Variants in NIPSNAP3A observed in about 807,000 individuals in gnomAD.
NIPSNAP3A encodes the protein nipsnap homolog 3A, also known as protein NipSnap homolog 3A.
In NIPSNAP3A, 27 loss-of-function variants were observed where a neutral mutation model predicts 32.3. The ratio of observed to expected loss-of-function variants is 0.84; its 90% CI spans 0.62 to 1.15. The LOEUF (loss-of-function observed/expected upper bound fraction) is 1.15. Among genes scored for constraint, NIPSNAP3A ranks in the 50% most tolerant of loss-of-function variants. NIPSNAP3A has a pLI of 0.00. For missense variants in NIPSNAP3A, 278 were observed against 297.2 expected, an observed-to-expected ratio of 0.94 and a Z score of 0.48; for synonymous variants, 108 against 107.3, an observed-to-expected ratio of 1.01 and a Z score of -0.04.
intron 1 of NIPSNAP3A, 25 bp from the exon 2 acceptor site, chr9:104,750,931 T>C (rs756104894): frequency 6.5e-7 from 1 of 1,545,710 alleles, no homozygotes; most frequent in Non-Finnish European, 8.9e-7. Flanking sequence ...TCTCAAGATA[T>C]TTACATTTGT....
chr9:104,756,338 G>A (rs1827905958), intron 4 of NIPSNAP3A, among the ~76,000 whole-genome samples: 1 of 151,128 alleles, frequency 6.6e-6, no homozygotes, highest in Non-Finnish European at 1.5e-5. Flanking sequence ...AAGAAACTAT[G>A]AAGAAAAAAA....
In NIPSNAP3A at chr9:104,750,146, G is replaced by A. The variant is rs544360073; in HGVS notation, c.61-810G>A. Among the ~76,000 whole-genome samples, 30 of 152,116 alleles carry A rather than the reference G, an allele frequency of 2.0e-4. 1 individual carries two copies. Among genetic ancestry groups the A allele is most frequent in the South Asian group, 1.7e-3 (8 of 4,824 alleles). On this transcript the variant is annotated intron_variant, in intron 1 of 5. Transcript: ENST00000374767. ...TTTCATTATGCCTGCCAAAAGTTACGTGCGTAGTTAATAAAGTTCTTTGAT... is the reference window on the plus strand; with the variant it reads ...TTTCATTATGCCTGCCAAAAGTTACATGCGTAGTTAATAAAGTTCTTTGAT...
intron 1 of NIPSNAP3A, among the ~76,000 whole-genome samples, chr9:104,748,890 G>A (rs1352698530): frequency 6.6e-6 from 1 of 152,178 alleles, no homozygotes; most frequent in Non-Finnish European, 1.5e-5. Flanking sequence ...TTGGAGATAA[G>A]GGAGGATGGA....
chr9:104,755,641 G>A (rs1270044333), intron 4 of NIPSNAP3A, among the ~76,000 whole-genome samples: 2 of 152,138 alleles, frequency 1.3e-5, no homozygotes, highest in Non-Finnish European at 2.9e-5. Context: ...GGATAAAAGA[G>A]CTGATGAGGT....
At chr9:104,753,403 C>T (rs867243040) in intron 3 of NIPSNAP3A, among the ~76,000 whole-genome samples, 47 of 152,194 alleles carry the variant, frequency 3.1e-4, no homozygotes, top group African/African-American at 9.9e-4. Context: ...GAAGTTTTGC[C>T]ATAATTTTAA....
At chr9:104,755,008 AG>A (rs1034295031) in intron 4 of NIPSNAP3A, among the ~76,000 whole-genome samples, 4 of 152,164 alleles carry the variant, frequency 2.6e-5, no homozygotes. Context: ...TTGGAGGCTG[AG>A]GGGGTGGATC....
intron 2 of NIPSNAP3A, among the ~76,000 whole-genome samples, chr9:104,752,361 G>A (rs918932995): frequency 3.9e-5 from 6 of 152,118 alleles, no homozygotes; most frequent in African/African-American, 1.4e-4. Context: ...TTTGATTCAA[G>A]ATGTTTTAAC....
chr9:104,747,993 G>A (rs1827797440), intron 1 of NIPSNAP3A, 141 bp downstream of exon 1: 2 of 780,704 alleles, frequency 2.6e-6, no homozygotes, highest in African/African-American at 3.5e-5. Context: ...AGGTTCTAGC[G>A]TGAGCCCCGG....
At chr9:104,753,369 G>A (rs56953501) in intron 3 of NIPSNAP3A, among the ~76,000 whole-genome samples, 1,807 of 152,302 alleles carry the variant, frequency 0.012, 33 homozygotes, top group African/African-American at 0.042. Context: ...CAGAGAACGT[G>A]TTGATAGGTA....
At chr9:104,758,960 A>C in intron 4 of NIPSNAP3A, 125 bp from the exon 5 acceptor site, 1 of 1,080,280 alleles carries the variant, frequency 9.3e-7, no homozygotes, top group Non-Finnish European at 1.3e-6. Flanking sequence ...ACAAGAGTGA[A>C]ACTCTTGTTT....
intron 4 of NIPSNAP3A, 103 bp downstream of exon 4, chr9:104,754,803 T>C (rs891340938): frequency 1.2e-6 from 1 of 846,080 alleles, no homozygotes; most frequent in African/African-American, 1.7e-5. Flanking sequence ...TTATTATTTA[T>C]TGCCAAATGT....
chr9:104,756,814 CTTTTT>C (rs34247948), intron 4 of NIPSNAP3A, among the ~76,000 whole-genome samples: 2 of 114,320 alleles, frequency 1.7e-5, no homozygotes, highest in African/African-American at 6.6e-5. Flanking sequence ...TGTTAATATT[CTTTTT>C]TTTTTTTTTT....
intron 1 of NIPSNAP3A, among the ~76,000 whole-genome samples, chr9:104,748,129 C>A (rs1300206791): frequency 6.6e-6 from 1 of 152,094 alleles, no homozygotes; most frequent in Non-Finnish European, 1.5e-5. Context: ...ATGCCACACC[C>A]ACCGGGACAC....
At position 104,759,587 on chromosome 9, in the gene NIPSNAP3A, T is replaced by A. The variant is rs1827949398; in HGVS notation, c.*249T>A. The A allele has an allele frequency of 2.1e-6, 1 of 476,122 alleles. No homozygotes were observed. The allele number at this position is 476,122 out of a possible 1,614,324, so 29.5% of individuals were successfully genotyped here. ...AAATACTTGTCACTGTTTTAAGATC[T>A]TGACTCTTCATTTGTTTCAGAATAG... On this transcript the variant is annotated 3_prime_UTR_variant, in exon 6 of 6. Coordinates refer to ENST00000374767, the MANE Select transcript of NIPSNAP3A (RefSeq NM_015469.3).
chr9:104,756,762 C>T (rs1178394746), intron 4 of NIPSNAP3A, among the ~76,000 whole-genome samples: 1 of 149,952 alleles, frequency 6.7e-6, no homozygotes, highest in African/African-American at 2.5e-5. Flanking sequence ...ATATAACATA[C>T]ATAGTAGTCA....
Position 104,759,328 on chromosome 9 carries a change from C to G in NIPSNAP3A, c.734C>G (p.Pro245Arg). ...NMLLIPTSFSPLK is the reference protein window; with the variant it reads ...NMLLIPTSFSRLK ...CTTCTGATTCCTACATCGTTTTCAC[C>G]ACTGAAATAGTTTTCTACTGAAATA... The change falls in exon 6 of 6, where the codon CCA (proline) becomes CGA (arginine). Residue 245 changes from proline (P) to arginine (R), a missense_variant. Coordinates refer to ENST00000374767, the MANE Select transcript of NIPSNAP3A (RefSeq NM_015469.3). 1 of 1,613,198 alleles carries G rather than the reference C, an allele frequency of 6.2e-7. No individual in the cohort carries two copies. The highest frequency in any genetic ancestry group is 1.3e-5 in the African/African-American group (1 of 75,026).
At chr9:104,747,946 C>A in intron 1 of NIPSNAP3A, 94 bp downstream of exon 1, 1 of 1,235,890 alleles carries the variant, frequency 8.1e-7, no homozygotes, top group Non-Finnish European at 1.1e-6. Flanking sequence ...TGCGCATGCG[C>A]TCTCCGCCAC....
rs745974455 is a variant in NIPSNAP3A at position 104,759,084 on chromosome 9, G to C, written c.581-1G>C. The C allele has an allele frequency of 1.2e-6, 2 of 1,609,674 alleles. No homozygotes were observed. Among genetic ancestry groups the C allele is most frequent in the Non-Finnish European group, 1.7e-6 (2 of 1,177,876 alleles). On this transcript the variant is annotated splice_acceptor_variant, in intron 4 of 5. Transcript: ENST00000374767. LOFTEE classifies it high-confidence loss of function. ...AAGCTACTTGTGGTTTATTTCTGCAGTTCATGTTCTTTGGTGGAATGAGAG... is the reference window on the plus strand; with the variant it reads ...AAGCTACTTGTGGTTTATTTCTGCACTTCATGTTCTTTGGTGGAATGAGAG...
rs1180003780 is a variant in NIPSNAP3A, at chr9:104,759,172, G to A, written c.667+1G>A. On this transcript the variant is annotated splice_donor_variant, in intron 5 of 5. Transcript: ENST00000374767. LOFTEE classifies it high-confidence loss of function. ...GAGGATCCCAGAGTTGTGGCAGCTG[G>A]TAAGCTGTTTGACTAGGCATGAATT... is the stretch of plus-strand genomic sequence containing the variant. 6.2e-7 allele frequency: 1 copy of A among 1,613,636 alleles called. No individual in the cohort carries two copies. Among genetic ancestry groups the A allele is most frequent in the East Asian group, 2.2e-5 (1 of 44,876 alleles).
Sources: allele counts gnomAD v4.1 joint callset (sites outside exome capture counted in the v4.1 genomes callset), GRCh38; gene constraint gnomAD v4.1.1; transcripts MANE v1.5; gene names NCBI Gene and HGNC (gene_info 2026-07-23, HGNC 2026-07-21).